PTPRG: variants seen among roughly 807,000 people sequenced by gnomAD.
PTPRG encodes protein tyrosine phosphatase receptor type G, also known as receptor-type tyrosine-protein phosphatase gamma.
A neutral mutation model predicts 165.3 loss-of-function variants in PTPRG; 102 were observed. The ratio of observed to expected loss-of-function variants is 0.62; its 90% CI spans 0.53 to 0.73. The LOEUF (loss-of-function observed/expected upper bound fraction) is 0.73. Among genes scored for constraint, PTPRG ranks in the 30% least tolerant of loss-of-function variants. The pLI, the probability that PTPRG is intolerant of heterozygous loss-of-function variation, is 0.00. For synonymous variants in PTPRG, 675 were observed against 669.5 expected, an observed-to-expected ratio of 1.01 and a Z score of -0.13; for missense variants, 1,866 against 1,861.4, an observed-to-expected ratio of 1.00 and a Z score of -0.05.
chr3:62,125,101 C>G (rs1046187129), intron 5 of PTPRG, among the ~76,000 whole-genome samples: 2 of 152,100 alleles, frequency 1.3e-5, no homozygotes, highest in Non-Finnish European at 2.9e-5. Context: ...AGCTTTGTCC[C>G]CCTGTCACCT....
intron 2 of PTPRG, among the ~76,000 whole-genome samples, chr3:61,895,917 A>T (rs1188244087): frequency 6.6e-6 from 1 of 152,308 alleles, no homozygotes; most frequent in South Asian, 2.1e-4. Flanking sequence ...TGTAAAAAAT[A>T]ATACAGAGAT....
chr3:61,943,112 T>C (rs1461823921), intron 2 of PTPRG, among the ~76,000 whole-genome samples: 3 of 152,208 alleles, frequency 2.0e-5, no homozygotes, highest in Admixed American at 1.3e-4. Flanking sequence ...AACTTTTTTT[T>C]CCTGATGTTC....
At chr3:61,855,224 A>G (rs562597371) in intron 2 of PTPRG, among the ~76,000 whole-genome samples, 1 of 152,332 alleles carries the variant, frequency 6.6e-6, no homozygotes, top group South Asian at 2.1e-4. Flanking sequence ...GTAATAGTAT[A>G]GAAAGCTTTC....
At chr3:62,247,542 T>C (rs150588161) in intron 15 of PTPRG, among the ~76,000 whole-genome samples, 2 of 152,222 alleles carry the variant, frequency 1.3e-5, no homozygotes, top group East Asian at 1.9e-4. Flanking sequence ...TTCCCCATAT[T>C]AAAAAAATCT....
At chr3:62,087,841 T>C (rs939554714) in intron 5 of PTPRG, among the ~76,000 whole-genome samples, 1 of 152,252 alleles carries the variant, frequency 6.6e-6, no homozygotes, top group African/African-American at 2.4e-5. Flanking sequence ...AGAGGTATTT[T>C]CTTGTAACTT....
chr3:61,642,291 G>A (rs1268213442), intron 1 of PTPRG, among the ~76,000 whole-genome samples: 4 of 152,156 alleles, frequency 2.6e-5, no homozygotes, highest in African/African-American at 9.7e-5. Flanking sequence ...AGTTCAGGCT[G>A]TTGGTTCTAT....
intron 4 of PTPRG, among the ~76,000 whole-genome samples, chr3:62,060,744 T>A (rs1479476526): frequency 6.6e-6 from 1 of 152,218 alleles, no homozygotes; most frequent in East Asian, 1.9e-4. Flanking sequence ...GAAATTGAAG[T>A]CATTGTTTTA....
chr3:61,844,804 G>T (rs1018280584), intron 2 of PTPRG, among the ~76,000 whole-genome samples: 2 of 151,998 alleles, frequency 1.3e-5, no homozygotes, highest in Non-Finnish European at 2.9e-5. Flanking sequence ...CACCTGGCCA[G>T]CATCTGTATA....
chr3:61,585,880 CCTT>C (rs1177109939), intron 1 of PTPRG, among the ~76,000 whole-genome samples: 1 of 152,200 alleles, frequency 6.6e-6, no homozygotes, highest in East Asian at 1.9e-4. Flanking sequence ...CTTGAAGAAA[CCTT>C]CTTTTCTCTC....
chr3:61,580,262 C>T (rs1285389344), intron 1 of PTPRG, among the ~76,000 whole-genome samples: 1 of 151,938 alleles, frequency 6.6e-6, no homozygotes, highest in South Asian at 2.1e-4. Flanking sequence ...GGCAACATGG[C>T]GAGACCCTAT....
At chr3:61,652,358 C>G (rs1049661025) in intron 1 of PTPRG, among the ~76,000 whole-genome samples, 27 of 152,136 alleles carry the variant, frequency 1.8e-4, no homozygotes, top group African/African-American at 6.3e-4. Flanking sequence ...TGCTCTATTC[C>G]TCATTCTGCA....
chr3:61,984,211 G>A (rs1261184233), intron 2 of PTPRG, among the ~76,000 whole-genome samples: 1 of 152,176 alleles, frequency 6.6e-6, no homozygotes, highest in Non-Finnish European at 1.5e-5. Flanking sequence ...GCACACTAAG[G>A]AGGTAGAAGT....
In PTPRG at chr3:61,596,585, C is replaced by T. The variant is rs372543847; in HGVS notation, c.85+34213C>T. Among the ~76,000 whole-genome samples, 43 of 152,264 alleles carry T rather than the reference C, an allele frequency of 2.8e-4. 2 individuals carry two copies. In the South Asian group the frequency reaches 7.9e-3, roughly 28 times the overall value. ...TTGTTTTTTATCTAGTGTAACACTT[C>T]TCTCATTCCTGATGAGGAAACTGAG... On this transcript the variant is annotated intron_variant, in intron 1 of 29. Transcript: ENST00000474889.
At chr3:62,054,563 C>G (rs1700570412) in intron 4 of PTPRG, among the ~76,000 whole-genome samples, 1 of 152,164 alleles carries the variant, frequency 6.6e-6, no homozygotes, top group Non-Finnish European at 1.5e-5. Flanking sequence ...TGTCACCTGA[C>G]TTCACCTGGT....
In PTPRG at chr3:62,115,319, C is replaced by T. The variant is rs140746324; in HGVS notation, c.616-17283C>T. 3.2e-3 allele frequency among the ~76,000 whole-genome samples: 480 copies of T among 152,184 alleles called. 3 individuals carry two copies. The highest frequency in any genetic ancestry group is 0.012 in the South Asian group (56 of 4,810). ...GACTAGAAATCACACATGAAAAAAACCCCTTTCCCTTGGGTGATTTAAAGA... is the reference window on the plus strand; with the variant it reads ...GACTAGAAATCACACATGAAAAAAATCCCTTTCCCTTGGGTGATTTAAAGA... On this transcript the variant is annotated intron_variant, in intron 5 of 29. Coordinates refer to ENST00000474889, the MANE Select transcript of PTPRG (RefSeq NM_002841.4).
intron 2 of PTPRG, among the ~76,000 whole-genome samples, chr3:61,815,352 G>GTGA (rs2035725620): frequency 6.6e-6 from 1 of 152,106 alleles, no homozygotes; most frequent in African/African-American, 2.4e-5. Context: ...GGAGGTTGCA[G>GTGA]TGACCTGACT....
At chr3:62,069,670 T>TCACACACA (rs1451557560) in intron 4 of PTPRG, among the ~76,000 whole-genome samples, 1 of 51,654 alleles carries the variant, frequency 1.9e-5, no homozygotes, top group African/African-American at 6.5e-5. Flanking sequence ...TCTCTCTCTC[T>TCACACACA]CTCTCTCTCT....
chr3:61,681,142 T>A (rs1262833383), intron 1 of PTPRG, among the ~76,000 whole-genome samples: 1 of 151,674 alleles, frequency 6.6e-6, no homozygotes, highest in Admixed American at 6.6e-5. Flanking sequence ...AATAGGCAAT[T>A]TAAGGTCCAT....
At chr3:61,815,106 A>G (rs1441447585) in intron 2 of PTPRG, among the ~76,000 whole-genome samples, 1 of 151,940 alleles carries the variant, frequency 6.6e-6, no homozygotes, top group Admixed American at 6.6e-5. Flanking sequence ...TTATTATTAA[A>G]AGAAATCTGG....
Sources: gnomAD v4.1 joint callset for allele counts (sites outside exome capture counted in the v4.1 genomes callset) on GRCh38, gnomAD v4.1.1 for gene constraint, MANE v1.5 for transcripts, NCBI Gene and HGNC (gene_info 2026-07-23, HGNC 2026-07-21) for gene names.